The following SFXN3 variants were observed in gnomAD, a reference collection of about 807,000 sequenced individuals.
SFXN3 encodes sideroflexin-3.
SFXN3 carries 31 observed loss-of-function variants against 40.4 expected under a neutral mutation model. That is an observed-to-expected ratio of 0.77 (90% CI 0.58 to 1.04). The LOEUF (loss-of-function observed/expected upper bound fraction) is 1.04. Among genes scored for constraint, SFXN3 ranks in the 50% least tolerant of loss-of-function variants. The probability of loss-of-function intolerance (pLI) is 0.00; values close to 1 mark genes in which losing one functional copy is unlikely to be tolerated. For synonymous variants in SFXN3, 157 were observed against 160.0 expected (o/e 0.98, Z 0.14); for missense variants, 366 against 408.2 (o/e 0.90, Z 0.89).
chr10:101,036,939 A>T lies in SFXN3; in HGVS notation c.593+131A>T. 5 of 1,520,260 alleles carry T rather than the reference A, an allele frequency of 3.3e-6. No homozygotes were observed. In the South Asian group the frequency reaches 6.4e-5, roughly 19 times the overall value. 94.2% of individuals were successfully genotyped at this position (1,520,260 alleles called of 1,614,324 possible). A position where few individuals can be genotyped will look rare whatever the true frequency, so the allele number is the denominator to read the frequency against. On this transcript the variant is annotated intron_variant, in intron 7 of 11. Transcript: ENST00000393459. This position sits in a 1 kb window ranked among gnomAD's most constrained non-coding sequence, Gnocchi z 4.2. ...AGCTGCTGGGCCCTGGCTCAGTCTG[A>T]CCCTGGGATCCTCAGGTGGGAGAAC...
exon 12 of SFXN3, chr10:101,040,310 C>A (rs1938837924): frequency 6.6e-6 from 1 of 152,416 alleles, no homozygotes; most frequent in Non-Finnish European, 1.5e-5. Flanking sequence ...GCGTGGGCAT[C>A]TTCAGGCACA....
chr10:101,037,639 AG>A, intron 9 of SFXN3: 1 of 1,441,182 alleles, frequency 6.9e-7, no homozygotes, highest in Non-Finnish European at 9.1e-7. Context: ...GAGAGGACAA[AG>A]GAAGGAAACC....
At chr10:101,032,423 C>T in exon 2 of SFXN3, 3 of 1,505,942 alleles carry the variant, frequency 2.0e-6, no homozygotes, top group South Asian at 1.3e-5. Context: ...GAGGGCCCGG[C>T]GGCGACAGCG....
At chr10:101,034,226 T>G (rs1048091680) in intron 2 of SFXN3, among the ~76,000 whole-genome samples, 1 of 152,212 alleles carries the variant, frequency 6.6e-6, no homozygotes, top group Non-Finnish European at 1.5e-5. Flanking sequence ...CAGAAGTCCC[T>G]GTGGCTTTCC....
At chr10:101,038,248 A>C in intron 9 of SFXN3, 1 of 1,121,454 alleles carries the variant, frequency 8.9e-7, no homozygotes, top group Non-Finnish European at 1.1e-6. Flanking sequence ...GCAAATTGAG[A>C]AGAGTGCCGA....
chr10:101,037,740 T>TA (rs1938691801), intron 9 of SFXN3: 1 of 1,317,294 alleles, frequency 7.6e-7, no homozygotes, highest in African/African-American at 1.5e-5. Context: ...TTTTACCCCC[T>TA]AGTGCCTCCA....
At position 101,035,836 on chromosome 10, in the gene SFXN3, G is replaced by A. The variant is rs917921400; in HGVS notation, c.333-167G>A. ...CTCTCACCCCAGAGACAGTAGGTGT[G>A]TTTGTATAAATGGGGGTGGGGGTAC... On this transcript the variant is annotated intron_variant, in intron 4 of 11. Transcript: ENST00000393459. 8.8e-6 allele frequency: 10 copies of A among 1,139,332 alleles called. No homozygotes were observed. The African/African-American group carries it at 9.2e-5, about 11-fold the overall frequency. 70.6% of individuals were successfully genotyped at this position (1,139,332 alleles called of 1,614,324 possible).
intron 1 of SFXN3, 145 bp from the exon 2 acceptor site, chr10:101,032,169 C>T (rs1938272577): frequency 2.8e-6 from 1 of 360,198 alleles, no homozygotes; most frequent in Non-Finnish European, 5.0e-6. Flanking sequence ...GAGCAGCGCC[C>T]GCGGCTCCAG....
chr10:101,039,982 C>A lies in SFXN3; in HGVS notation c.*397C>A, dbSNP rs193010834. ...TGTGACTTCCTTCTCTAAACTGTTACACCAGCCAAGTTATTTTTGATGGCA... is the reference window on the plus strand; with the variant it reads ...TGTGACTTCCTTCTCTAAACTGTTAAACCAGCCAAGTTATTTTTGATGGCA... On this transcript the variant is annotated 3_prime_UTR_variant, in exon 12 of 12. Coordinates refer to ENST00000393459, the Ensembl canonical transcript of SFXN3. This position sits in a 1 kb window ranked among gnomAD's most constrained non-coding sequence, Gnocchi z 4.6. 2.0e-3 allele frequency: 384 copies of A among 192,320 alleles called. 5 individuals carry two copies. Among genetic ancestry groups the A allele is most frequent in the Non-Finnish European group, 6.9e-4 (63 of 91,430 alleles). 11.9% of individuals were successfully genotyped at this position (192,320 alleles called of 1,614,324 possible).
intron 3 of SFXN3, 114 bp from the exon 4 acceptor site, chr10:101,035,383 G>T: frequency 8.0e-7 from 1 of 1,256,334 alleles, no homozygotes; most frequent in Non-Finnish European, 1.1e-6. Context: ...GCTGAGACTG[G>T]GGGCTGAAGT....
chr10:101,039,472 G>T lies in SFXN3; in HGVS notation c.870-17G>T. The T allele has an allele frequency of 6.2e-7, 1 of 1,612,224 alleles. No individual in the cohort carries two copies. The highest frequency in any genetic ancestry group is 2.2e-5 in the East Asian group (1 of 44,882). On this transcript the variant is annotated splice_polypyrimidine_tract_variant and intron_variant, in intron 11 of 11. Coordinates refer to ENST00000393459, the Ensembl canonical transcript of SFXN3. The surrounding 1 kb of genome is among the most constrained non-coding windows in gnomAD (Gnocchi z 4.6). ...GGATTCAGGGGACGTTAACTGGCCT[G>T]TGCTGTTCTATTGCAGCTCCATACA...
chr10:101,037,462 T>G, intron 9 of SFXN3, 31 bp downstream of exon 9: 1 of 1,614,176 alleles, frequency 6.2e-7, no homozygotes, highest in South Asian at 1.1e-5. Flanking sequence ...TGTCCTGGAA[T>G]GGGCGATGGC....
intron 2 of SFXN3, among the ~76,000 whole-genome samples, chr10:101,034,406 T>A (rs1378394775): frequency 6.6e-6 from 1 of 152,164 alleles, no homozygotes; most frequent in East Asian, 1.9e-4. Context: ...TGGGTCAAAG[T>A]GCTGGGGCAA....
intron 9 of SFXN3, chr10:101,038,136 C>A: frequency 5.4e-6 from 2 of 367,632 alleles, no homozygotes; most frequent in Non-Finnish European, 7.9e-6. Flanking sequence ...CCAAATAACG[C>A]AGAGAAGAGT....
Position 101,032,298 on chromosome 10 carries a change from C to A in SFXN3, c.-172-16C>A. The A allele has an allele frequency of 1.5e-6, 1 of 650,714 alleles. No homozygotes were observed. The highest frequency in any genetic ancestry group is 2.5e-6 in the Non-Finnish European group (1 of 398,294). 40.3% of individuals were successfully genotyped at this position (650,714 alleles called of 1,614,324 possible). A position where few individuals can be genotyped will look rare whatever the true frequency, so the allele number is the denominator to read the frequency against. ...AGGCTGGGGGCATCGCCTCGAATGACACCCACCGCCCTCAGGTTCTGCCAA... is the reference window on the plus strand; with the variant it reads ...AGGCTGGGGGCATCGCCTCGAATGAAACCCACCGCCCTCAGGTTCTGCCAA... On this transcript the variant is annotated splice_polypyrimidine_tract_variant and intron_variant, in intron 1 of 11. Coordinates refer to ENST00000393459, the Ensembl canonical transcript of SFXN3.
At chr10:101,034,806 C>T in exon 3 of SFXN3, 5 of 1,614,226 alleles carry the variant, frequency 3.1e-6, no homozygotes, top group African/African-American at 1.3e-5. Flanking sequence ...AAATCTGCTG[C>T]TGTCCGGGGC....
At chr10:101,035,961 C>T (rs771143863) in intron 4 of SFXN3, 42 bp from the exon 5 acceptor site, 2 of 1,541,534 alleles carry the variant, frequency 1.3e-6, no homozygotes, top group South Asian at 1.1e-5. Flanking sequence ...AAGATGAGGG[C>T]CACTGTAGAC....
chr10:101,032,866 T>C (rs919477971), intron 2 of SFXN3, among the ~76,000 whole-genome samples: 2 of 152,112 alleles, frequency 1.3e-5, no homozygotes, highest in African/African-American at 4.8e-5. Flanking sequence ...TTCTGTAGGA[T>C]TCTGCCCAAC....
chr10:101,031,640 G>A (rs1938207655), intron 1 of SFXN3, 106 bp downstream of exon 1: 1 of 152,352 alleles, frequency 6.6e-6, no homozygotes, highest in African/African-American at 2.4e-5. Context: ...TGGTCGCAGG[G>A]TGGGGCAGCT....
Sources: gnomAD v4.1 joint callset for allele counts (sites outside exome capture counted in the v4.1 genomes callset) on GRCh38, gnomAD v4.1.1 for gene constraint, Gnocchi (gnomAD v3.1) non-coding constraint, MANE v1.5 for transcripts, NCBI Gene and HGNC (gene_info 2026-07-23, HGNC 2026-07-21) for gene names.